Variants in ABLIM3 observed in about 807,000 individuals in gnomAD.
The protein encoded by ABLIM3 is actin-binding LIM protein 3.
Under a neutral mutation model 109.5 loss-of-function variants are expected in ABLIM3, and 61 were observed. The observed-to-expected ratio is 0.56, with a 90% confidence interval of 0.45 to 0.69. ABLIM3 has a LOEUF of 0.69. ABLIM3 is among the 30% of genes least tolerant of loss of function. The pLI is 0.00. For missense variants in ABLIM3, 796 were observed against 889.5 expected (o/e 0.89, Z 1.34); for synonymous variants, 300 against 324.8 (o/e 0.92, Z 0.82).
chr5:149,153,331 A>C (rs967787864), intron 2 of ABLIM3, among the ~76,000 whole-genome samples: 9 of 152,164 alleles, frequency 5.9e-5, no homozygotes, highest in Non-Finnish European at 5.9e-5. Context: ...CCTGTGTTCC[A>C]TCTGTCACCA....
At chr5:149,239,389 G>A in intron 12 of ABLIM3, 112 bp downstream of exon 12, 1 of 1,227,652 alleles carries the variant, frequency 8.1e-7, no homozygotes, top group Non-Finnish European at 1.2e-6. Context: ...GGTATTCCCT[G>A]CAAGCAGGGA....
At chr5:149,183,964 T>G (rs200986757) in intron 3 of ABLIM3, among the ~76,000 whole-genome samples, 8,361 of 138,210 alleles carry the variant, frequency 0.06, 547 homozygotes, top group East Asian at 0.19. Context: ...TTGTTTTTTG[T>G]TTTTTGGTTT....
chr5:149,165,141 G>A (rs1210529023), intron 2 of ABLIM3, among the ~76,000 whole-genome samples: 2 of 152,160 alleles, frequency 1.3e-5, no homozygotes, highest in Admixed American at 6.5e-5. Flanking sequence ...AGTGGGAAGG[G>A]GCCTTCAAGG....
intron 2 of ABLIM3, among the ~76,000 whole-genome samples, chr5:149,183,099 G>A (rs1756602895): frequency 6.6e-6 from 1 of 152,138 alleles, no homozygotes; most frequent in African/African-American, 2.4e-5. Flanking sequence ...GGACAAGTTT[G>A]GGGCCTAATT....
chr5:149,141,835 G>A (rs1580960522), intron 1 of ABLIM3, 174 bp from the exon 2 acceptor site: 1 of 554,932 alleles, frequency 1.8e-6, no homozygotes, highest in South Asian at 2.3e-5. Flanking sequence ...CTGAGGAGCA[G>A]GAGGACCGGG....
chr5:149,164,072 T>G (rs1327694128), intron 2 of ABLIM3: 1 of 152,242 alleles, frequency 6.6e-6, no homozygotes, highest in Admixed American at 6.5e-5. Flanking sequence ...CCATGTTATA[T>G]GTAGTAAAAG....
chr5:149,207,241 T>A (rs1759080986), intron 6 of ABLIM3, 107 bp downstream of exon 6: 27 of 1,464,270 alleles, frequency 1.8e-5, no homozygotes, highest in Non-Finnish European at 2.4e-5. Flanking sequence ...TTCCTTTCCG[T>A]CTGCTGCTGC....
chr5:149,217,194 T>C, intron 8 of ABLIM3, 148 bp downstream of exon 8: 1 of 734,320 alleles, frequency 1.4e-6, no homozygotes, highest in Middle Eastern at 2.4e-4. Flanking sequence ...AATTGGCCCC[T>C]CTCTGGGTGG....
chr5:149,183,957 T>C (rs982438232), intron 3 of ABLIM3, among the ~76,000 whole-genome samples: 25 of 141,694 alleles, frequency 1.8e-4, no homozygotes, highest in Admixed American at 1.8e-3. Context: ...TTTTTGTTTG[T>C]TTTTTGTTTT....
intron 12 of ABLIM3, 130 bp from the exon 13 acceptor site, chr5:149,239,629 G>A (rs1752588703): frequency 5.4e-6 from 7 of 1,299,946 alleles, no homozygotes; most frequent in Middle Eastern, 1.9e-4. Flanking sequence ...AGGGAGGAGG[G>A]GGGTCTCTGT....
At chr5:149,161,919 T>C (rs908454731) in intron 2 of ABLIM3, among the ~76,000 whole-genome samples, 3 of 152,040 alleles carry the variant, frequency 2.0e-5, no homozygotes, top group African/African-American at 7.2e-5. Flanking sequence ...TGTATGTGTG[T>C]GTGTGTGCGC....
At chr5:149,214,913 C>T (rs1395858669) in intron 7 of ABLIM3, among the ~76,000 whole-genome samples, 4 of 152,078 alleles carry the variant, frequency 2.6e-5, no homozygotes, top group African/African-American at 7.2e-5. Context: ...TTGAGGGTAC[C>T]AATTTTTTGC....
chr5:149,206,086 A>G (rs952977098), intron 5 of ABLIM3, among the ~76,000 whole-genome samples: 1 of 152,216 alleles, frequency 6.6e-6, no homozygotes, highest in Non-Finnish European at 1.5e-5. Context: ...TCCTCCGCCA[A>G]AGTGGGTCAT....
chr5:149,194,411 G>A (rs1198935365), intron 3 of ABLIM3, among the ~76,000 whole-genome samples: 1 of 152,136 alleles, frequency 6.6e-6, no homozygotes, highest in Non-Finnish European at 1.5e-5. Flanking sequence ...TATATCAGTG[G>A]GAACAGCTGG....
chr5:149,167,469 C>T (rs1266171015), intron 2 of ABLIM3, among the ~76,000 whole-genome samples: 1 of 152,114 alleles, frequency 6.6e-6, no homozygotes, highest in Non-Finnish European at 1.5e-5. Flanking sequence ...ATTGCAGTAT[C>T]CTGACTATGC....
chr5:149,212,800 T>C (rs1489801457), intron 7 of ABLIM3, among the ~76,000 whole-genome samples: 1 of 152,076 alleles, frequency 6.6e-6, no homozygotes, highest in Non-Finnish European at 1.5e-5. Context: ...GTGATTGAAA[T>C]CCCAGGAGTG....
At chr5:149,161,677 G>A (rs139715230) in intron 2 of ABLIM3, among the ~76,000 whole-genome samples, 4 of 152,228 alleles carry the variant, frequency 2.6e-5, no homozygotes, top group African/African-American at 7.2e-5. Context: ...AGTGAAAATC[G>A]TTGTGTGTTC....
chr5:149,228,736 AT>A (rs958769451), intron 8 of ABLIM3, among the ~76,000 whole-genome samples: 3 of 151,694 alleles, frequency 2.0e-5, no homozygotes, highest in Admixed American at 6.6e-5. Context: ...CTAAATTCTG[AT>A]TTTTTTCATT....
At chr5:149,226,489 A>C (rs13156539) in intron 8 of ABLIM3, among the ~76,000 whole-genome samples, 60,268 of 151,796 alleles carry the variant, frequency 0.4, 12,397 homozygotes, top group East Asian at 0.59. Flanking sequence ...TCTCAAAACA[A>C]AAAAAGAAAT....
Sources: gnomAD v4.1 joint callset for allele counts (sites outside exome capture counted in the v4.1 genomes callset) on GRCh38, gnomAD v4.1.1 for gene constraint, MANE v1.5 for transcripts, NCBI Gene and HGNC (gene_info 2026-07-23, HGNC 2026-07-21) for gene names.